EVI2B: variants seen among roughly 807,000 people sequenced by gnomAD.
The protein encoded by EVI2B is protein EVI2B.
EVI2B carries 4 observed loss-of-function variants against 6.6 expected under a neutral mutation model. That is an observed-to-expected ratio of 0.61 (90% CI 0.30 to 1.39). EVI2B has a LOEUF of 1.39. EVI2B is among the 40% of genes most tolerant of loss of function. The pLI, the probability that EVI2B is intolerant of heterozygous loss-of-function variation, is 0.08. For synonymous variants in EVI2B, 181 were observed against 186.8 expected (o/e 0.97, Z 0.25); for missense variants, 484 against 516.6 (o/e 0.94, Z 0.61).
At chr17:31,308,052 C>A in intron 1 of EVI2B, 1 of 455,866 alleles carries the variant, frequency 2.2e-6, no homozygotes, top group Non-Finnish European at 3.9e-6. Context: ...AACTCTCCTG[C>A]ACACTGCTGA....
At chr17:31,306,855 A>C (rs2068736841) in intron 1 of EVI2B, among the ~76,000 whole-genome samples, 1 of 152,034 alleles carries the variant, frequency 6.6e-6, no homozygotes, top group Non-Finnish European at 1.5e-5. Context: ...TAGTGATAGA[A>C]GCAAACAGTA....
At chr17:31,311,749 G>T (rs1291706781) in intron 1 of EVI2B, among the ~76,000 whole-genome samples, 2 of 152,198 alleles carry the variant, frequency 1.3e-5, no homozygotes, top group African/African-American at 4.8e-5. Flanking sequence ...ACAGCTCTAA[G>T]TAGTGGCACT....
Position 31,304,564 on chromosome 17 carries a change from C to T in EVI2B, c.1046G>A (p.Gly349Glu), listed in dbSNP as rs1216718214. Residue 349 changes from glycine (G) to glutamate (E), a missense_variant, in exon 2 of 2, where the codon GGA (glycine) becomes GAA (glutamate). Coordinates refer to ENST00000330927, the MANE Select transcript of EVI2B (RefSeq NM_006495.4). ...TTTGTCAGATTGGTTACTTTCCTGT[C>T]CTTCCAAATCCAGAAGGGGAGGTGG... The part of the protein sequence containing the change: ...PPPPPLLDLE[G>E]QESNQSDKPT... The T allele has an allele frequency of 6.2e-7, 1 of 1,614,008 alleles. No individual in the cohort carries two copies. Among genetic ancestry groups the T allele is most frequent in the East Asian group, 2.2e-5 (1 of 44,882 alleles).
intron 1 of EVI2B, among the ~76,000 whole-genome samples, chr17:31,310,535 T>A (rs2151516114): frequency 6.6e-6 from 1 of 152,214 alleles, no homozygotes; most frequent in Admixed American, 6.5e-5. Flanking sequence ...AAGAGGAGCT[T>A]GCTTTCTAAA....
At chr17:31,308,245 C>A (rs1263600546) in intron 1 of EVI2B, among the ~76,000 whole-genome samples, 1 of 151,692 alleles carries the variant, frequency 6.6e-6, no homozygotes, top group African/African-American at 2.4e-5. Flanking sequence ...TCAAGCGATT[C>A]TTGTGCCTCA....
intron 1 of EVI2B, among the ~76,000 whole-genome samples, chr17:31,308,480 G>A (rs1423281692): frequency 6.6e-6 from 1 of 151,960 alleles, no homozygotes; most frequent in African/African-American, 2.4e-5. Context: ...TCTTCCTTCT[G>A]GCTTGAGTTA....
At chr17:31,310,973 G>A (rs1239797122) in intron 1 of EVI2B, among the ~76,000 whole-genome samples, 1 of 148,862 alleles carries the variant, frequency 6.7e-6, no homozygotes, top group African/African-American at 2.5e-5. Flanking sequence ...TGGAGACAGG[G>A]TCTCACTCTG....
In EVI2B at chr17:31,314,024, C is replaced by G. The variant is rs912161316; in HGVS notation, c.-67G>C. 3 of 397,996 alleles carry G rather than the reference C, an allele frequency of 7.5e-6. No individual in the cohort carries two copies. The highest frequency in any genetic ancestry group is 6.2e-5 in the African/African-American group (3 of 48,572). The allele number at this position is 397,996 out of a possible 1,614,324, so 24.7% of individuals were successfully genotyped here. ...GCAGAATGCTAAATTCTTGTTCTAA[C>G]TGGACATTTTGGTGATTTGGCTAAG... is the stretch of plus-strand genomic sequence containing the variant. On this transcript the variant is annotated 5_prime_UTR_variant, in exon 1 of 2. Transcript: ENST00000330927.
intron 1 of EVI2B, among the ~76,000 whole-genome samples, chr17:31,311,934 A>G (rs2068886960): frequency 6.6e-6 from 1 of 152,204 alleles, no homozygotes. Context: ...TCTTAGATAA[A>G]GGGTAGGAAA....
chr17:31,311,356 T>G (rs977626943), intron 1 of EVI2B, among the ~76,000 whole-genome samples: 1 of 152,186 alleles, frequency 6.6e-6, no homozygotes, highest in African/African-American at 2.4e-5. Context: ...CATTATCTTT[T>G]AAAGAGAATC....
intron 1 of EVI2B, among the ~76,000 whole-genome samples, chr17:31,309,671 G>T (rs938003027): frequency 6.6e-6 from 1 of 152,090 alleles, no homozygotes. Context: ...GAAACCATAC[G>T]GTTCCTCTTT....
In EVI2B at chr17:31,304,195, A is replaced by G; in HGVS notation, c.*68T>C. 1 of 1,435,340 alleles carries G rather than the reference A, an allele frequency of 7.0e-7. No homozygotes were observed. The highest frequency in any genetic ancestry group is 9.4e-7 in the Non-Finnish European group (1 of 1,062,684). The allele number at this position is 1,435,340 out of a possible 1,614,324, so 88.9% of individuals were successfully genotyped here. ...TTGACTATCAGTTGCCATTTTATAT[A>G]TGTTAACATATAAAGAAAAAAGAGT... On this transcript the variant is annotated 3_prime_UTR_variant, in exon 2 of 2. Coordinates refer to ENST00000330927, the MANE Select transcript of EVI2B (RefSeq NM_006495.4).
chr17:31,313,866 T>G, intron 1 of EVI2B, 113 bp downstream of exon 1: 1 of 389,732 alleles, frequency 2.6e-6, no homozygotes, highest in Non-Finnish European at 4.5e-6. Context: ...CACAAAAACC[T>G]GTTATAGACA....
chr17:31,312,366 C>G (rs2068899039), intron 1 of EVI2B, among the ~76,000 whole-genome samples: 1 of 151,828 alleles, frequency 6.6e-6, no homozygotes, highest in Non-Finnish European at 1.5e-5. Flanking sequence ...AAAAAATTAG[C>G]CAGGCGTGGT....
chr17:31,306,199 T>C (rs2068716534), intron 1 of EVI2B, among the ~76,000 whole-genome samples: 1 of 152,092 alleles, frequency 6.6e-6, no homozygotes. Context: ...TCTCACTAGC[T>C]CTTTTTCTTC....
At chr17:31,306,795 A>G (rs900709559) in intron 1 of EVI2B, among the ~76,000 whole-genome samples, 6 of 148,096 alleles carry the variant, frequency 4.1e-5, no homozygotes, top group African/African-American at 1.3e-4. Context: ...GGTTTAGGAG[A>G]TTAAAAAAAA....
In EVI2B at chr17:31,305,296, T is replaced by C; in HGVS notation, c.314A>G (p.Asn105Ser). ...HTSAGQPLAY[N>S]TKQPTPIANT... ...GGCTATTGGTGTTGGTTGTTTGGTGTTGTAGGCAAGTGGTTGTCCAGCAGA... is the reference window on the plus strand; with the variant it reads ...GGCTATTGGTGTTGGTTGTTTGGTGCTGTAGGCAAGTGGTTGTCCAGCAGA... Residue 105 changes from asparagine to serine, a missense_variant, in exon 2 of 2, where the codon AAC (asparagine) becomes AGC (serine). Coordinates refer to ENST00000330927, the MANE Select transcript of EVI2B (RefSeq NM_006495.4). 1.9e-6 allele frequency: 3 copies of C among 1,614,100 alleles called. No individual in the cohort carries two copies. Among genetic ancestry groups the C allele is most frequent in the Non-Finnish European group, 2.5e-6 (3 of 1,180,020 alleles).
At chr17:31,310,637 CT>C (rs201038932) in intron 1 of EVI2B, among the ~76,000 whole-genome samples, 2 of 151,146 alleles carry the variant, frequency 1.3e-5, no homozygotes, top group African/African-American at 2.4e-5. Flanking sequence ...CATCCTCTCC[CT>C]TTTTTTTTCC....
At chr17:31,306,853 G>A (rs2068736773) in intron 1 of EVI2B, among the ~76,000 whole-genome samples, 1 of 151,528 alleles carries the variant, frequency 6.6e-6, no homozygotes, top group Non-Finnish European at 1.5e-5. Context: ...TCTAGTGATA[G>A]AAGCAAACAG....
Sources: gnomAD v4.1 joint callset for allele counts (sites outside exome capture counted in the v4.1 genomes callset) on GRCh38, gnomAD v4.1.1 for gene constraint, MANE v1.5 for transcripts, NCBI Gene and HGNC (gene_info 2026-07-23, HGNC 2026-07-21) for gene names.